The following SYNPR variants were observed in gnomAD, a reference collection of about 807,000 sequenced individuals.
The protein encoded by SYNPR is synaptoporin.
Under a neutral mutation model 32.9 loss-of-function variants are expected in SYNPR, and 23 were observed. The ratio of observed to expected loss-of-function variants is 0.70; its 90% CI spans 0.50 to 0.99. SYNPR has a LOEUF of 0.99. Among genes scored for constraint, SYNPR ranks in the 50% least tolerant of loss-of-function variants. The pLI is 0.00. For synonymous variants in SYNPR, 146 were observed against 135.9 expected (o/e 1.07, Z -0.52); for missense variants, 318 against 349.3 (o/e 0.91, Z 0.71).
At chr3:63,326,073 A>T (rs1416390299) in intron 2 of SYNPR, among the ~76,000 whole-genome samples, 2 of 151,850 alleles carry the variant, frequency 1.3e-5, no homozygotes, top group African/African-American at 4.8e-5. Context: ...TTGAATGAGG[A>T]TGAGGTGGGA....
chr3:63,226,522 T>C (rs2086129706), upstream of SYNPR, among the ~76,000 whole-genome samples: 3 of 152,110 alleles, frequency 2.0e-5, no homozygotes, highest in Admixed American at 6.5e-5. Context: ...TATTCAGCCA[T>C]AAAAAGAATG....
At chr3:63,407,377 G>A (rs1406489617) in intron 2 of SYNPR, among the ~76,000 whole-genome samples, 2 of 152,172 alleles carry the variant, frequency 1.3e-5, no homozygotes, top group Admixed American at 6.6e-5. Flanking sequence ...TACTAAGGGA[G>A]CAATGTAATA....
intron 2 of SYNPR, among the ~76,000 whole-genome samples, chr3:63,458,991 C>T (rs1700533614): frequency 1.3e-5 from 2 of 152,114 alleles, no homozygotes; most frequent in Admixed American, 1.3e-4. Flanking sequence ...TGAAGTATCT[C>T]TCTATCTCTC....
chr3:63,601,527 C>T (rs1700042340), intron 4 of SYNPR, among the ~76,000 whole-genome samples: 1 of 152,030 alleles, frequency 6.6e-6, no homozygotes, highest in African/African-American at 2.4e-5. Flanking sequence ...ACCCTGGTTT[C>T]TGTTGTTCCC....
upstream of SYNPR, among the ~76,000 whole-genome samples, chr3:63,224,306 A>G (rs2086113528): frequency 6.6e-6 from 1 of 152,160 alleles, no homozygotes; most frequent in Admixed American, 6.5e-5. Context: ...TGAGAATCTA[A>G]CTAATGCCTG....
intron 1 of SYNPR, among the ~76,000 whole-genome samples, chr3:63,236,296 T>C (rs757834965): frequency 3.3e-5 from 5 of 152,106 alleles, no homozygotes; most frequent in Non-Finnish European, 7.4e-5. Context: ...TAATCTTTAA[T>C]ATTGGGAAGA....
chr3:63,309,088 CA>C (rs1457100799), intron 2 of SYNPR, among the ~76,000 whole-genome samples: 1 of 151,878 alleles, frequency 6.6e-6, no homozygotes, highest in Non-Finnish European at 1.5e-5. Context: ...GCTATGTTTT[CA>C]AACTCACCAA....
chr3:63,292,336 A>G (rs2086748256), intron 2 of SYNPR, among the ~76,000 whole-genome samples: 1 of 152,204 alleles, frequency 6.6e-6, no homozygotes, highest in African/African-American at 2.4e-5. Context: ...ATCACCTCAA[A>G]CATTTGTCAC....
chr3:63,600,273 C>G (rs1482443800), intron 4 of SYNPR, among the ~76,000 whole-genome samples: 1 of 152,310 alleles, frequency 6.6e-6, no homozygotes, highest in African/African-American at 2.4e-5. Flanking sequence ...AAAACAGCCA[C>G]CAGTTCTGGA....
the SYNPR span, chr3:63,203,068 G>GTGTGTATATATATATATATATATATATA: frequency 1.8e-5 from 2 of 108,580 alleles, no homozygotes; most frequent in Non-Finnish European, 1.8e-5. Context: ...ATATGTATGT[G>GTGTGTATATATATATATATATATATATA]TATATATATA....
the SYNPR span, among the ~76,000 whole-genome samples, chr3:63,211,267 A>G: frequency 0.014 from 2,200 of 152,270 alleles, 55 homozygotes; most frequent in African/African-American, 0.05. Context: ...GGGTTTCACC[A>G]TGTTGGCCAG....
intron 2 of SYNPR, among the ~76,000 whole-genome samples, chr3:63,422,756 C>T (rs567713248): frequency 7.9e-5 from 12 of 151,956 alleles, no homozygotes; most frequent in African/African-American, 1.7e-4. Context: ...GAAAAAAAGA[C>T]GAATATGGCT....
chr3:63,596,892 CAT>C (rs949521623), intron 4 of SYNPR, among the ~76,000 whole-genome samples: 78 of 151,450 alleles, frequency 5.2e-4, no homozygotes, highest in African/African-American at 1.5e-3. Context: ...GCACTAGTAA[CAT>C]GTGGTTATTG....
At chr3:63,558,724 T>C (rs1702633533) in intron 4 of SYNPR, among the ~76,000 whole-genome samples, 1 of 152,106 alleles carries the variant, frequency 6.6e-6, no homozygotes, top group African/African-American at 2.4e-5. Context: ...CTTGTAGTGA[T>C]CACTCAACCC....
chr3:63,479,855 G>T (rs1032699464), intron 2 of SYNPR, among the ~76,000 whole-genome samples: 4 of 152,188 alleles, frequency 2.6e-5, no homozygotes, highest in Admixed American at 1.3e-4. Context: ...TGACTTCTGT[G>T]CAATAACTCC....
intron 3 of SYNPR, among the ~76,000 whole-genome samples, chr3:63,527,224 T>C (rs1415007272): frequency 6.6e-6 from 1 of 152,124 alleles, no homozygotes; most frequent in African/African-American, 2.4e-5. Context: ...TAGGCTCCAG[T>C]GGAAAATTTA....
intron 1 of SYNPR, among the ~76,000 whole-genome samples, chr3:63,248,771 T>C (rs777772120): frequency 6.6e-6 from 1 of 152,172 alleles, no homozygotes; most frequent in Non-Finnish European, 1.5e-5. Flanking sequence ...CTTGGCATAA[T>C]TACACATGCT....
intron 2 of SYNPR, among the ~76,000 whole-genome samples, chr3:63,305,099 T>C (rs2086897692): frequency 6.6e-6 from 1 of 151,990 alleles, no homozygotes; most frequent in Admixed American, 6.6e-5. Context: ...CACATTGCAC[T>C]GATTTGGTGG....
chr3:63,208,372 C>T, the SYNPR span, among the ~76,000 whole-genome samples: 99 of 152,308 alleles, frequency 6.5e-4, no homozygotes, highest in African/African-American at 2.3e-3. Context: ...CTCCTGAGAA[C>T]TCCCTGATGC....
Sources: allele counts gnomAD v4.1 joint callset (sites outside exome capture counted in the v4.1 genomes callset), GRCh38; gene constraint gnomAD v4.1.1; transcripts MANE v1.5; gene names NCBI Gene and HGNC (gene_info 2026-07-23, HGNC 2026-07-21).